Variants in NRXN3 observed in about 807,000 individuals in gnomAD.
NRXN3 encodes neurexin 3.
A neutral mutation model predicts 137.6 loss-of-function variants in NRXN3; 32 were observed. The observed-to-expected ratio is 0.23, with a 90% confidence interval of 0.18 to 0.31. The LOEUF (loss-of-function observed/expected upper bound fraction) is 0.31, where lower values mean the gene tolerates loss of function less well. NRXN3 is among the 10% of genes least tolerant of loss of function. The pLI, the probability that NRXN3 is intolerant of heterozygous loss-of-function variation, is 1.00. For missense variants in NRXN3, 1,574 were observed against 2,062.5 expected (o/e 0.76, Z 4.59); for synonymous variants, 798 against 784.5 (o/e 1.02, Z -0.29).
chr14:79,365,725 CAAAAAAAAA>C (rs569855024), intron 15 of NRXN3, among the ~76,000 whole-genome samples: 5 of 42,408 alleles, frequency 1.2e-4, no homozygotes, highest in East Asian at 6.7e-4. Context: ...GACTCTGTCT[CAAAAAAAAA>C]AAAAAAAAAA....
chr14:79,400,379 G>T (rs544172365), intron 15 of NRXN3, among the ~76,000 whole-genome samples: 3 of 152,306 alleles, frequency 2.0e-5, no homozygotes, highest in African/African-American at 7.2e-5. Flanking sequence ...ACAGTCTACT[G>T]TGTGTCAAGT....
At chr14:79,226,530 TAA>T (rs1239613598) in intron 15 of NRXN3, among the ~76,000 whole-genome samples, 1 of 152,164 alleles carries the variant, frequency 6.6e-6, no homozygotes, top group Non-Finnish European at 1.5e-5. Flanking sequence ...TATTTTAACT[TAA>T]GTTTTCCTTG....
intron 4 of NRXN3, among the ~76,000 whole-genome samples, chr14:78,449,750 G>A (rs2094506778): frequency 6.6e-6 from 1 of 152,172 alleles, no homozygotes; most frequent in African/African-American, 2.4e-5. Context: ...TCAAGAACCT[G>A]TTCATCTTGT....
intron 15 of NRXN3, among the ~76,000 whole-genome samples, chr14:79,166,887 T>A (rs2061334040): frequency 6.6e-6 from 1 of 152,012 alleles, no homozygotes; most frequent in African/African-American, 2.4e-5. Flanking sequence ...TGGTTATCTT[T>A]GTAAATAAAG....
At chr14:79,650,610 G>A (rs940133796) in intron 16 of NRXN3, among the ~76,000 whole-genome samples, 1 of 152,028 alleles carries the variant, frequency 6.6e-6, no homozygotes, top group African/African-American at 2.4e-5. Context: ...CCACACCAAA[G>A]TATCGTTTAC....
intron 4 of NRXN3, among the ~76,000 whole-genome samples, chr14:78,435,861 C>T (rs1201015252): frequency 6.6e-5 from 10 of 152,220 alleles, no homozygotes; most frequent in Admixed American, 6.5e-4. Context: ...AAAGGGTTTG[C>T]AAGCCTCCAT....
chr14:78,679,492 T>C (rs1361969068), intron 6 of NRXN3, among the ~76,000 whole-genome samples: 2 of 152,228 alleles, frequency 1.3e-5, no homozygotes, highest in Non-Finnish European at 2.9e-5. Context: ...CAACAGAAAA[T>C]GGCTCTTCTC....
chr14:79,324,675 G>A (rs2090581951), intron 15 of NRXN3, among the ~76,000 whole-genome samples: 1 of 152,172 alleles, frequency 6.6e-6, no homozygotes, highest in African/African-American at 2.4e-5. Flanking sequence ...TTGGGATTGG[G>A]TGGAGGGAAT....
At position 79,796,080 on chromosome 14, in the gene NRXN3, C is replaced by T. The variant is rs1222920245; in HGVS notation, c.4015-9032C>T. On this transcript the variant is annotated intron_variant, in intron 19 of 20. Transcript: ENST00000335750. ...GCTGACAGTGGAAACACAGCCAAGC[C>T]TTTCTAATTAGCAATCCTAGAGAGG... Among the ~76,000 whole-genome samples the T allele has an allele frequency of 2.0e-5, 3 of 152,050 alleles. No individual in the cohort carries two copies. The East Asian group carries it at 5.8e-4, about 29-fold the overall frequency.
chr14:79,041,773 G>A (rs1244538031), intron 15 of NRXN3, among the ~76,000 whole-genome samples: 1 of 152,138 alleles, frequency 6.6e-6, no homozygotes, highest in Non-Finnish European at 1.5e-5. Flanking sequence ...ACTTCACAAT[G>A]CAAAGGTGCT....
intron 16 of NRXN3, among the ~76,000 whole-genome samples, chr14:79,556,570 T>G (rs2097431734): frequency 6.6e-6 from 1 of 152,144 alleles, no homozygotes; most frequent in Non-Finnish European, 1.5e-5. Context: ...TATTTATTTT[T>G]TGGAGGACAG....
At chr14:79,521,200 C>G (rs929955269) in intron 16 of NRXN3, among the ~76,000 whole-genome samples, 9 of 152,072 alleles carry the variant, frequency 5.9e-5, no homozygotes, top group African/African-American at 2.2e-4. Context: ...CTGGTCCTCT[C>G]CTGTTACTTT....
chr14:78,262,377 C>A (rs917544354), intron 2 of NRXN3, among the ~76,000 whole-genome samples: 3 of 152,084 alleles, frequency 2.0e-5, no homozygotes, highest in Non-Finnish European at 4.4e-5. Flanking sequence ...TGGCCCTCTC[C>A]TTCCAGAATG....
chr14:78,784,064 G>GAAA (rs11288913), intron 8 of NRXN3, among the ~76,000 whole-genome samples: 2 of 98,302 alleles, frequency 2.0e-5, no homozygotes, highest in Admixed American at 1.2e-4. Context: ...TAACACATGA[G>GAAA]AAAAAAAAAA....
At chr14:79,328,202 C>A (rs991276363) in intron 15 of NRXN3, among the ~76,000 whole-genome samples, 32 of 152,188 alleles carry the variant, frequency 2.1e-4, no homozygotes, top group African/African-American at 7.2e-4. Flanking sequence ...TTAGGAGGGA[C>A]AGTAGATATC....
intron 6 of NRXN3, among the ~76,000 whole-genome samples, chr14:78,707,433 C>A (rs1427985188): frequency 6.6e-6 from 1 of 152,168 alleles, no homozygotes; most frequent in Admixed American, 6.5e-5. Flanking sequence ...GCGCCAAAAA[C>A]CATTCCAGGG....
intron 4 of NRXN3, among the ~76,000 whole-genome samples, chr14:78,486,519 G>C (rs1351130659): frequency 6.6e-6 from 1 of 152,140 alleles, no homozygotes; most frequent in Admixed American, 6.6e-5. Context: ...GCAGAGGAGA[G>C]TCCGTGTATA....
chr14:79,860,425 G>T (rs1426162671), intron 20 of NRXN3, among the ~76,000 whole-genome samples: 1 of 152,190 alleles, frequency 6.6e-6, no homozygotes, highest in Non-Finnish European at 1.5e-5. Flanking sequence ...TTTGTTAGAT[G>T]AATATTTTTA....
At chr14:79,026,024 G>T (rs374175740) in intron 15 of NRXN3, among the ~76,000 whole-genome samples, 2 of 152,070 alleles carry the variant, frequency 1.3e-5, no homozygotes, top group African/African-American at 4.8e-5. Flanking sequence ...GTCAGCATTG[G>T]TCAGAATTAC....
Sources: allele counts gnomAD v4.1 joint callset (sites outside exome capture counted in the v4.1 genomes callset), GRCh38; gene constraint gnomAD v4.1.1; transcripts MANE v1.5; gene names NCBI Gene and HGNC (gene_info 2026-07-23, HGNC 2026-07-21).